Variants in GLRA2 observed in about 807,000 individuals in gnomAD.
The protein encoded by GLRA2 is glycine receptor alpha 2, also known as glycine receptor subunit alpha-2.
GLRA2 carries 11 observed loss-of-function variants against 31.6 expected under a neutral mutation model. That is an observed-to-expected ratio of 0.35 (90% CI 0.22 to 0.58). The LOEUF is 0.58. Among genes scored for constraint, GLRA2 ranks in the 20% least tolerant of loss-of-function variants. GLRA2 has a pLI of 0.84. For synonymous variants in GLRA2, 132 were observed against 134.0 expected (o/e 0.99, Z 0.10); for missense variants, 212 against 351.8 (o/e 0.60, Z 3.18).
At chrX:14,554,056 A>C (rs1001845153) in intron 2 of GLRA2, among the ~76,000 whole-genome samples, 1 of 112,160 alleles carries the variant, frequency 8.9e-6, no homozygotes, top group Non-Finnish European at 1.9e-5. Flanking sequence ...ATGTCCTTTT[A>C]ATAAAATTGA....
chrX:14,616,188 C>T (rs186995174), intron 7 of GLRA2, among the ~76,000 whole-genome samples: 1 of 111,731 alleles, frequency 9.0e-6, no homozygotes, highest in African/African-American at 3.2e-5. Context: ...TAAGATTAAA[C>T]GATTATTTTC....
chrX:14,643,496 G>T (rs1427494512), intron 7 of GLRA2, among the ~76,000 whole-genome samples: 1 of 111,293 alleles, frequency 9.0e-6, no homozygotes, highest in Admixed American at 9.6e-5. Flanking sequence ...GAAATCATGG[G>T]GTTATTTCAC....
At chrX:14,622,033 G>T (rs1391825787) in intron 7 of GLRA2, among the ~76,000 whole-genome samples, 2 of 111,895 alleles carry the variant, frequency 1.8e-5, no homozygotes, top group Non-Finnish European at 3.8e-5. Flanking sequence ...GTTGTTTCCT[G>T]ACTTTTTAAT....
the GLRA2 span, among the ~76,000 whole-genome samples, chrX:14,475,489 T>C: frequency 8.9e-6 from 1 of 112,121 alleles, no homozygotes; most frequent in Non-Finnish European, 1.9e-5. Flanking sequence ...GGAGTGTTGT[T>C]AAAATGCAGA....
chrX:14,544,777 G>A (rs1409596078), intron 2 of GLRA2, among the ~76,000 whole-genome samples: 3 of 111,406 alleles, frequency 2.7e-5, no homozygotes, highest in Non-Finnish European at 5.7e-5. Context: ...TTGGGGAAAG[G>A]ATGATTATAT....
chrX:14,698,196 AATG>A (rs2091476951), intron 8 of GLRA2, among the ~76,000 whole-genome samples: 1 of 111,252 alleles, frequency 9.0e-6, no homozygotes, highest in Admixed American at 9.5e-5. Flanking sequence ...TTGTATTAAT[AATG>A]ATATTTTCAA....
At chrX:14,578,755 G>T (rs1017215926) in intron 3 of GLRA2, among the ~76,000 whole-genome samples, 3 of 111,747 alleles carry the variant, frequency 2.7e-5, no homozygotes, top group African/African-American at 9.8e-5. Flanking sequence ...AGTAATGTCA[G>T]TAAGGGTCAA....
chrX:14,558,934 C>T (rs1479135513), intron 2 of GLRA2, among the ~76,000 whole-genome samples: 1 of 110,405 alleles, frequency 9.1e-6, no homozygotes, highest in Admixed American at 9.6e-5. Flanking sequence ...AAGTGATTCT[C>T]CTGCCTCAGC....
intron 7 of GLRA2, among the ~76,000 whole-genome samples, chrX:14,625,985 A>G (rs1205614257): frequency 8.9e-6 from 1 of 112,037 alleles, no homozygotes; most frequent in Non-Finnish European, 1.9e-5. Flanking sequence ...TCTCGAACCC[A>G]GGCAGTCTGG....
chrX:14,486,909 A>G, the GLRA2 span, among the ~76,000 whole-genome samples: 1 of 111,545 alleles, frequency 9.0e-6, no homozygotes, highest in Non-Finnish European at 1.9e-5. Flanking sequence ...AATACACAGC[A>G]AAATAAAAGA....
chrX:14,649,139 A>G (rs2147136088), intron 7 of GLRA2, among the ~76,000 whole-genome samples: 1 of 110,298 alleles, frequency 9.1e-6, no homozygotes, highest in Non-Finnish European at 1.9e-5. Flanking sequence ...GCTTGAACCC[A>G]GGAGGCGGAG....
intron 7 of GLRA2, among the ~76,000 whole-genome samples, chrX:14,684,316 T>C (rs867308162): frequency 9.0e-6 from 1 of 111,587 alleles, no homozygotes. Flanking sequence ...TTTGGTTCCA[T>C]AGGAACTTTA....
intron 7 of GLRA2, among the ~76,000 whole-genome samples, chrX:14,669,628 C>T (rs2091070332): frequency 8.9e-6 from 1 of 112,211 alleles, no homozygotes; most frequent in Admixed American, 9.4e-5. Flanking sequence ...GGCTTGCACC[C>T]TCTGAAGCCA....
chrX:14,664,095 T>A (rs1004104772), intron 7 of GLRA2, among the ~76,000 whole-genome samples: 6 of 111,537 alleles, frequency 5.4e-5, no homozygotes, highest in African/African-American at 1.6e-4. Context: ...TATTCTATTT[T>A]CCCCTAGTCC....
chrX:14,488,529 A>T, the GLRA2 span, among the ~76,000 whole-genome samples: 1 of 112,277 alleles, frequency 8.9e-6, no homozygotes, highest in East Asian at 2.8e-4. Context: ...GTCACTTTCC[A>T]TCCTCACCTA....
At chrX:14,587,275 G>C (rs1298413249) in intron 4 of GLRA2, among the ~76,000 whole-genome samples, 1 of 112,064 alleles carries the variant, frequency 8.9e-6, no homozygotes, top group East Asian at 2.8e-4. Context: ...TGTGTCTTTT[G>C]TAGAACAATT....
At chrX:14,639,881 C>CT (rs1569514677) in intron 7 of GLRA2, among the ~76,000 whole-genome samples, 1 of 112,075 alleles carries the variant, frequency 8.9e-6, no homozygotes, top group Non-Finnish European at 1.9e-5. Context: ...CAAAGAACTG[C>CT]TACACAGATG....
intron 7 of GLRA2, among the ~76,000 whole-genome samples, chrX:14,625,709 T>C (rs1281548220): frequency 8.9e-6 from 1 of 111,983 alleles, no homozygotes. Context: ...GAGTTTCTGC[T>C]GAGAGAACTG....
chrX:14,595,277 G>A (rs1004514718), intron 4 of GLRA2, among the ~76,000 whole-genome samples: 5 of 111,995 alleles, frequency 4.5e-5, no homozygotes, highest in Admixed American at 9.5e-5. Context: ...AGTCAAAGAA[G>A]CCTTTAGCTA....
Sources: allele counts gnomAD v4.1 joint callset (sites outside exome capture counted in the v4.1 genomes callset), GRCh38; gene constraint gnomAD v4.1.1; transcripts MANE v1.5; gene names NCBI Gene and HGNC (gene_info 2026-07-23, HGNC 2026-07-21).